Variants in LRRTM4 observed in about 807,000 individuals in gnomAD.
LRRTM4 encodes leucine rich repeat transmembrane neuronal 4, also known as leucine-rich repeat transmembrane neuronal protein 4.
Under a neutral mutation model 47.6 loss-of-function variants are expected in LRRTM4, and 25 were observed. The observed-to-expected ratio is 0.53, with a 90% CI of 0.38 to 0.73. LRRTM4 has a LOEUF of 0.73. Ranked by LOEUF, LRRTM4 falls within the 30% of genes least tolerant of loss-of-function variation. The pLI, the probability that LRRTM4 is intolerant of heterozygous loss-of-function variation, is 0.00. For missense variants in LRRTM4, 638 were observed against 713.4 expected (o/e 0.89, Z 1.20); for synonymous variants, 311 against 269.5 (o/e 1.15, Z -1.51).
intron 3 of LRRTM4, among the ~76,000 whole-genome samples, chr2:77,480,822 G>GTGGAGAGAGAGAGAGA (rs1222517611): frequency 5.4e-5 from 4 of 74,518 alleles, no homozygotes; most frequent in Admixed American, 3.2e-4. Context: ...GTGTGTGTGT[G>GTGGAGAGAGAGAGAGA]GAGAGAGAGA....
intron 3 of LRRTM4, among the ~76,000 whole-genome samples, chr2:77,066,526 T>G (rs1298857973): frequency 1.3e-5 from 2 of 152,160 alleles, no homozygotes; most frequent in Non-Finnish European, 2.9e-5. Flanking sequence ...TATTAATGAA[T>G]GAGATTTGCG....
rs573223268 is a variant in LRRTM4, at chr2:77,426,375, G to A, written c.1551+91943C>T. On this transcript the variant is annotated intron_variant, in intron 3 of 3. Transcript: ENST00000409884. ...AGTCCATTCTTTGCACTCAGCCAGA[G>A]CTATAATTCCATCACATTGATCAGA... Among the ~76,000 whole-genome samples the A allele has an allele frequency of 4.6e-5, 7 of 152,248 alleles. No homozygotes were observed. The South Asian group carries it at 1.5e-3, about 32-fold the overall frequency.
chr2:76,926,733 G>A (rs1363020263), intron 3 of LRRTM4, among the ~76,000 whole-genome samples: 1 of 152,134 alleles, frequency 6.6e-6, no homozygotes, highest in East Asian at 1.9e-4. Flanking sequence ...ACTACCAGAT[G>A]CCAGCCACTC....
At chr2:76,981,905 G>T (rs372731635) in intron 3 of LRRTM4, among the ~76,000 whole-genome samples, 12 of 151,966 alleles carry the variant, frequency 7.9e-5, no homozygotes, top group East Asian at 5.8e-4. Flanking sequence ...TATAAATCTT[G>T]TGTGGTTTGA....
At position 77,057,075 on chromosome 2, in the gene LRRTM4, G is replaced by A. The variant is rs150635798; in HGVS notation, c.1552-308159C>T. Among the ~76,000 whole-genome samples the A allele has an allele frequency of 4.0e-4, 61 of 152,288 alleles. No individual in the cohort carries two copies. In the Middle Eastern group the frequency reaches 0.014, roughly 34 times the overall value. ...CATTACAATGACAGAGTACTGTATG[G>A]TCTACAAAGCCTTAAATATTTAGCA... On this transcript the variant is annotated intron_variant, in intron 3 of 3. Transcript: ENST00000409884.
At chr2:76,959,534 G>A in intron 3 of LRRTM4, among the ~76,000 whole-genome samples, 1 of 151,616 alleles carries the variant, frequency 6.6e-6, no homozygotes, top group East Asian at 1.9e-4. Context: ...CTGTAAGAAA[G>A]CTAGGACAAA....
Position 77,348,241 on chromosome 2 carries a change from TAGACA to T in LRRTM4, c.1551+170072_1551+170076del, listed in dbSNP as rs529346925. 4.8e-4 allele frequency among the ~76,000 whole-genome samples: 73 copies of T among 151,936 alleles called. 1 individual carries two copies. In the South Asian group the frequency reaches 0.015, roughly 31 times the overall value. ...AACTTAACAGTATTATTCACTAGACTAGACAAAAGTGGAAGAAATTATAAAAGGAT... is the reference window on the plus strand; with the variant it reads ...AACTTAACAGTATTATTCACTAGACTAAAGTGGAAGAAATTATAAAAGGAT... On this transcript the variant is annotated intron_variant, in intron 3 of 3. Coordinates refer to ENST00000409884, the MANE Select transcript of LRRTM4 (RefSeq NM_001134745.3).
chr2:77,060,239 T>C (rs1016566992), intron 3 of LRRTM4, among the ~76,000 whole-genome samples: 2 of 152,234 alleles, frequency 1.3e-5, no homozygotes, highest in African/African-American at 4.8e-5. Context: ...TGTAAATATA[T>C]GCCTATAACT....
intron 3 of LRRTM4, among the ~76,000 whole-genome samples, chr2:77,353,675 T>A (rs578255604): frequency 6.6e-6 from 1 of 151,256 alleles, no homozygotes; most frequent in East Asian, 1.9e-4. Flanking sequence ...TGTGTAAGAA[T>A]GCTGCTTAAT....
intron 3 of LRRTM4, among the ~76,000 whole-genome samples, chr2:77,256,961 T>C (rs1448517633): frequency 6.6e-6 from 1 of 152,116 alleles, no homozygotes; most frequent in Admixed American, 6.6e-5. Context: ...TTGGGTTTAT[T>C]CCAGCAATGC....
At chr2:77,015,252 C>A (rs1357752615) in intron 3 of LRRTM4, among the ~76,000 whole-genome samples, 2 of 152,192 alleles carry the variant, frequency 1.3e-5, no homozygotes, top group Non-Finnish European at 2.9e-5. Flanking sequence ...AAGCCAACTC[C>A]TTGCAATAAA....
intron 3 of LRRTM4, among the ~76,000 whole-genome samples, chr2:77,013,483 C>A (rs149156716): frequency 1.5e-3 from 223 of 147,556 alleles, no homozygotes; most frequent in Non-Finnish European, 2.6e-3. Context: ...TGCAGCCAAG[C>A]CTGAGAGAGT....
chr2:76,875,946 G>A (rs1020853185), intron 3 of LRRTM4, among the ~76,000 whole-genome samples: 35 of 152,130 alleles, frequency 2.3e-4, no homozygotes, highest in Admixed American at 2.2e-3. Context: ...AACACCTACT[G>A]AGAGAGAGCA....
chr2:76,891,301 TA>T, intron 3 of LRRTM4, among the ~76,000 whole-genome samples: 1 of 151,942 alleles, frequency 6.6e-6, no homozygotes, highest in Non-Finnish European at 1.5e-5. Flanking sequence ...CCGCTCCTCC[TA>T]AAAAGAATTA....
intron 3 of LRRTM4, among the ~76,000 whole-genome samples, chr2:77,226,531 T>TTA (rs1359099382): frequency 1.2e-5 from 1 of 84,106 alleles, no homozygotes; most frequent in African/African-American, 5.2e-5. Flanking sequence ...ACAGAGCAAA[T>TTA]TATATACATA....
At chr2:76,901,032 T>A (rs1399608391) in intron 3 of LRRTM4, among the ~76,000 whole-genome samples, 1 of 151,950 alleles carries the variant, frequency 6.6e-6, no homozygotes, top group Admixed American at 6.6e-5. Context: ...ATGAGAAAAA[T>A]TGTTTTTTTA....
At chr2:77,008,156 C>A (rs1226373617) in intron 3 of LRRTM4, among the ~76,000 whole-genome samples, 2 of 152,076 alleles carry the variant, frequency 1.3e-5, no homozygotes, top group South Asian at 2.1e-4. Context: ...GTAAAAACTT[C>A]AAATGTTGTG....
At chr2:77,032,705 C>T (rs145795805) in intron 3 of LRRTM4, among the ~76,000 whole-genome samples, 2 of 152,208 alleles carry the variant, frequency 1.3e-5, no homozygotes, top group East Asian at 3.9e-4. Flanking sequence ...TCATTATATG[C>T]TGAAAGACTG....
intron 3 of LRRTM4, chr2:77,517,795 T>C (rs764739146): frequency 1.7e-5 from 17 of 985,018 alleles, no homozygotes; most frequent in Non-Finnish European, 2.0e-5. Flanking sequence ...GCAAGTAACA[T>C]GGGTGTGAGA....
Sources: gnomAD v4.1 joint callset for allele counts (sites outside exome capture counted in the v4.1 genomes callset) on GRCh38, gnomAD v4.1.1 for gene constraint, MANE v1.5 for transcripts, NCBI Gene and HGNC (gene_info 2026-07-23, HGNC 2026-07-21) for gene names.